TG: variants seen among roughly 807,000 people sequenced by gnomAD.
TG encodes the protein thyroglobulin.
In TG, 270 loss-of-function variants were observed where a neutral mutation model predicts 324.7. The ratio of observed to expected loss-of-function variants is 0.83; its 90% confidence interval spans 0.75 to 0.92. TG has a LOEUF of 0.92. Among genes scored for constraint, TG ranks in the 40% least tolerant of loss-of-function variants. The probability of loss-of-function intolerance (pLI) is 0.00; values close to 1 mark genes in which losing one functional copy is unlikely to be tolerated. For missense variants in TG, 3,591 were observed against 3,456.4 expected, an observed-to-expected ratio of 1.04 and a Z score of -0.98; for synonymous variants, 1,401 against 1,327.0, an observed-to-expected ratio of 1.06 and a Z score of -1.21.
intron 41 of TG, among the ~76,000 whole-genome samples, chr8:133,064,685 C>T (rs562558683): frequency 4.1e-4 from 63 of 152,324 alleles, no homozygotes; most frequent in Non-Finnish European, 5.6e-4. Context: ...TGGGATATGC[C>T]GGCCAGCAGC....
chr8:133,084,391 T>G (rs1280803836), intron 41 of TG, among the ~76,000 whole-genome samples: 2 of 152,156 alleles, frequency 1.3e-5, no homozygotes, highest in African/African-American at 4.8e-5. Context: ...TGTGTATGTA[T>G]GAAGTACTCA....
intron 45 of TG, among the ~76,000 whole-genome samples, chr8:133,130,528 C>G (rs1258789238): frequency 6.6e-6 from 1 of 152,124 alleles, no homozygotes; most frequent in East Asian, 1.9e-4. Context: ...TGATCGGCAG[C>G]CTCTAGTGAC....
chr8:133,074,318 A>G (rs1844537748), intron 41 of TG, among the ~76,000 whole-genome samples: 1 of 151,866 alleles, frequency 6.6e-6, no homozygotes. Context: ...CCCTCAACCC[A>G]CCTGGCTCCA....
Position 133,021,998 on chromosome 8 carries a change from A to T in TG, c.6884A>T (p.Asn2295Ile), listed in dbSNP as rs1200366997. 1 of 1,613,992 alleles carries T rather than the reference A, an allele frequency of 6.2e-7. No individual in the cohort carries two copies. The highest frequency in any genetic ancestry group is 8.5e-7 in the Non-Finnish European group (1 of 1,180,022). ...NVFIPQNVAP[N>I]ASVLVFFHNT... ...TTTCTCCAATACCCACAGGCCCCTAACGCGTCTGTGCTGGTGTTCTTCCAC... is the reference window on the plus strand; with the variant it reads ...TTTCTCCAATACCCACAGGCCCCTATCGCGTCTGTGCTGGTGTTCTTCCAC... Residue 2295 changes from asparagine to isoleucine, a missense_variant, in exon 40 of 48, where the codon AAC becomes ATC. Physicochemically the swap from Asn to Ile is moderately radical, Grantham distance 149. Transcript: ENST00000220616.
At chr8:132,867,259 G>A (rs1285217833) in intron 1 of TG, among the ~76,000 whole-genome samples, 192 bp downstream of exon 1, 1 of 152,092 alleles carries the variant, frequency 6.6e-6, no homozygotes, top group Non-Finnish European at 1.5e-5. Context: ...AGGTCACAGA[G>A]CTAGTGATTG....
chr8:132,913,521 C>T (rs1446928946), intron 20 of TG, among the ~76,000 whole-genome samples: 1 of 152,206 alleles, frequency 6.6e-6, no homozygotes, highest in Non-Finnish European at 1.5e-5. Context: ...CTGGGCCTGG[C>T]CTGCCCTGTC....
chr8:133,044,903 A>G (rs1839016887), intron 41 of TG: 1 of 1,438,350 alleles, frequency 7.0e-7, no homozygotes, highest in African/African-American at 1.4e-5. Flanking sequence ...ACCCCTCTGC[A>G]TTCCAGACGG....
intron 35 of TG, among the ~76,000 whole-genome samples, chr8:132,994,494 C>A (rs184722173): frequency 6.6e-6 from 1 of 152,102 alleles, no homozygotes; most frequent in African/African-American, 2.4e-5. Flanking sequence ...TGAGTACAAC[C>A]CACTAGAAGA....
In TG at chr8:132,894,461, CT is replaced by C. The variant is rs879482195; in HGVS notation, c.3001+547del. ...TCTATAATAACAGCTGAACAGTATG[CT>C]TTTTTTTTTTTTTTGAGACGGAGTC... On this transcript the variant is annotated intron_variant, in intron 11 of 47. Coordinates refer to ENST00000220616, the MANE Select transcript of TG (RefSeq NM_003235.5). 3.8e-3 allele frequency among the ~76,000 whole-genome samples: 546 copies of C among 142,280 alleles called. 2 individuals carry two copies. The highest frequency in any genetic ancestry group is 0.011 in the Middle Eastern group (3 of 268). 93.3% of individuals were successfully genotyped at this position (142,280 alleles called of 152,430 possible). A position where few individuals can be genotyped will look rare whatever the true frequency, so the allele number is the denominator to read the frequency against.
intron 45 of TG, 100 bp downstream of exon 45, chr8:133,116,816 T>A: frequency 1.1e-6 from 1 of 935,436 alleles, no homozygotes; most frequent in Non-Finnish European, 1.7e-6. Flanking sequence ...TAAGCCTCAG[T>A]TTCCTCATCT....
At chr8:133,011,325 C>A (rs1356291499) in intron 35 of TG, among the ~76,000 whole-genome samples, 1 of 152,100 alleles carries the variant, frequency 6.6e-6, no homozygotes, top group Non-Finnish European at 1.5e-5. Context: ...AAAGACAATT[C>A]CTAGAGAGAG....
intron 34 of TG, among the ~76,000 whole-genome samples, chr8:132,976,465 C>G (rs1299486966): frequency 2.0e-5 from 3 of 152,180 alleles, no homozygotes; most frequent in Non-Finnish European, 4.4e-5. Flanking sequence ...TTGGAGGGGA[C>G]AAACGATGAA....
intron 43 of TG, among the ~76,000 whole-genome samples, chr8:133,101,734 G>A (rs1365281796): frequency 6.6e-6 from 1 of 152,190 alleles, no homozygotes; most frequent in African/African-American, 2.4e-5. Flanking sequence ...AACAGACAAG[G>A]CAAACAACTG....
Position 132,888,566 on chromosome 8 carries a change from C to T in TG, c.2759C>T (p.Thr920Ile), listed in dbSNP as rs898412217. 3.1e-6 allele frequency: 5 copies of T among 1,609,906 alleles called. No individual in the cohort carries two copies. The African/African-American group carries it at 5.4e-5, about 17-fold the overall frequency. Residue 920 changes from threonine to isoleucine, a missense_variant and splice_region_variant, in exon 10 of 48, where the codon ACA becomes ATA. Coordinates refer to ENST00000220616, the MANE Select transcript of TG (RefSeq NM_003235.5). ...CGGTCTGAGCCAAGCAAGCTCCCAA[C>T]ATGTGAGCTAACGCATATGAAGAGT... is the stretch of plus-strand genomic sequence containing the variant. ...GMRSEPSKLP[T>I]CPGSCEEAKL... is the part of the protein sequence containing the mutation.
At chr8:132,949,079 T>C (rs1825751529) in intron 27 of TG, 136 bp downstream of exon 27, 1 of 808,526 alleles carries the variant, frequency 1.2e-6, no homozygotes, top group Non-Finnish European at 2.0e-6. Flanking sequence ...ACTTTACCAA[T>C]CATACTGGAT....
intron 32 of TG, 129 bp downstream of exon 32, chr8:132,969,698 G>C: frequency 1.4e-6 from 1 of 723,282 alleles, no homozygotes. Context: ...TGATCACGAG[G>C]TCAAGAGATC....
Position 133,060,235 on chromosome 8 carries a change from G to A in TG, c.7239+30212G>A, listed in dbSNP as rs771080149. 116 of 1,612,632 alleles carry A rather than the reference G, an allele frequency of 7.2e-5. 1 individual carries two copies. The highest frequency in any genetic ancestry group is 1.2e-4 in the Admixed American group (7 of 59,704). ...AGGAGACAGACGGGGAAAGTCAACC[G>A]TGCCCTGAGCCCTCCAAGTGGAGAA... On this transcript the variant is annotated intron_variant, in intron 41 of 47. Coordinates refer to ENST00000220616, the MANE Select transcript of TG (RefSeq NM_003235.5).
At position 132,887,323 on chromosome 8, in the gene TG, G is replaced by A; in HGVS notation, c.1951G>A (p.Val651Ile). The A allele has an allele frequency of 6.2e-7, 1 of 1,610,538 alleles. No individual in the cohort carries two copies. Among genetic ancestry groups the A allele is most frequent in the Non-Finnish European group, 8.5e-7 (1 of 1,177,126 alleles). The change falls in exon 9 of 48, where the codon GTC becomes ATC. Residue 651 changes from valine to isoleucine, a missense_variant. Coordinates refer to ENST00000220616, the MANE Select transcript of TG (RefSeq NM_003235.5). ...SWGKELPGSR[V>I]RGGQPRCPTD... Reference sequence around the variant, plus strand: ...GGGCAAAGAGCTTCCAGGCTCAAGAGTCAGAGGTGGACAGCCAAGGTGCCC... The same window carrying A: ...GGGCAAAGAGCTTCCAGGCTCAAGAATCAGAGGTGGACAGCCAAGGTGCCC...
chr8:133,096,313 C>T lies in TG; in HGVS notation c.7512C>T (p.Val2504=), dbSNP rs374133544. Residue 2504 remains valine, a synonymous_variant, in exon 43 of 48, where the codon GTC becomes GTT. Transcript: ENST00000220616. ...TGAAGAGGTCTTTATGGGTAGAGGT[C>T]GATCTGCTCATTGGGAGTTCTCAGG... ...RALKRSLWVE[V]DLLIGSSQDD... 6 of 1,614,044 alleles carry T rather than the reference C, an allele frequency of 3.7e-6. No homozygotes were observed. In the African/African-American group the frequency reaches 4.0e-5, roughly 11 times the overall value.
Sources: gnomAD v4.1 joint callset for allele counts (sites outside exome capture counted in the v4.1 genomes callset) on GRCh38, gnomAD v4.1.1 for gene constraint, MANE v1.5 for transcripts, NCBI Gene and HGNC (gene_info 2026-07-23, HGNC 2026-07-21) for gene names.